The following PRKAG2 variants were observed in gnomAD, a reference collection of about 807,000 sequenced individuals.
PRKAG2 encodes the protein 5'-AMP-activated protein kinase subunit gamma-2.
A neutral mutation model predicts 69.6 loss-of-function variants in PRKAG2; 26 were observed. That is an observed-to-expected ratio of 0.37 (90% CI 0.27 to 0.52). PRKAG2 has a LOEUF of 0.52. PRKAG2 is among the 20% of genes least tolerant of loss of function. The pLI is 0.90. For synonymous variants in PRKAG2, 293 were observed against 285.0 expected (o/e 1.03, Z -0.28); for missense variants, 557 against 740.0 (o/e 0.75, Z 2.87).
At chr7:151,753,898 A>G (rs1419931229) in intron 3 of PRKAG2, among the ~76,000 whole-genome samples, 3 of 152,088 alleles carry the variant, frequency 2.0e-5, no homozygotes, top group Admixed American at 6.5e-5. Context: ...GCCGGGCATG[A>G]TGGTGCACAC....
At chr7:151,558,217 G>T (rs1162800709) in intron 15 of PRKAG2, 1 of 985,442 alleles carries the variant, frequency 1.0e-6, no homozygotes, top group Non-Finnish European at 1.2e-6. Flanking sequence ...TTATTGTGTT[G>T]AACCAGTACC....
intron 6 of PRKAG2, among the ~76,000 whole-genome samples, chr7:151,592,968 C>G (rs545910937): frequency 1.1e-4 from 17 of 152,352 alleles, no homozygotes; most frequent in African/African-American, 3.8e-4. Context: ...CTCAGCTCCT[C>G]TCAACTTAGA....
chr7:151,693,459 C>T (rs2536084), intron 3 of PRKAG2, among the ~76,000 whole-genome samples: 52,821 of 152,120 alleles, frequency 0.35, 9,521 homozygotes, highest in Admixed American at 0.42. Context: ...TCAGCAGCCA[C>T]GCTAGGCCCA....
At chr7:151,744,883 C>T (rs554169182) in intron 3 of PRKAG2, among the ~76,000 whole-genome samples, 12 of 152,266 alleles carry the variant, frequency 7.9e-5, no homozygotes, top group African/African-American at 2.2e-4. Context: ...AGACTTTGCC[C>T]GCAGCAGTTT....
At chr7:151,602,172 C>T (rs1399903859) in intron 5 of PRKAG2, among the ~76,000 whole-genome samples, 4 of 152,206 alleles carry the variant, frequency 2.6e-5, no homozygotes, top group African/African-American at 7.2e-5. Context: ...TGGCGCAAAA[C>T]AAAAGCCAAA....
rs571925781 is a variant in PRKAG2, at chr7:151,775,754, C to G, written c.466+5398G>C. ...CCAGACAGCAAGTTCCTCCCAGGGG[C>G]CTTGTGTAATGAACGAAGTCTTCAT... is the stretch of plus-strand genomic sequence containing the variant. On this transcript the variant is annotated intron_variant, in intron 3 of 15. Coordinates refer to ENST00000287878, the MANE Select transcript of PRKAG2 (RefSeq NM_016203.4). 3.3e-5 allele frequency among the ~76,000 whole-genome samples: 5 copies of G among 152,236 alleles called. No individual in the cohort carries two copies. The South Asian group carries it at 6.2e-4, about 19-fold the overall frequency.
At chr7:151,772,230 G>A (rs972038652) in intron 3 of PRKAG2, among the ~76,000 whole-genome samples, 2 of 152,192 alleles carry the variant, frequency 1.3e-5, no homozygotes, top group African/African-American at 4.8e-5. Flanking sequence ...GGCTGCCTGG[G>A]AGCCAGCGGT....
At chr7:151,704,473 T>C (rs982467156) in intron 3 of PRKAG2, among the ~76,000 whole-genome samples, 1 of 152,212 alleles carries the variant, frequency 6.6e-6, no homozygotes, top group African/African-American at 2.4e-5. Context: ...TCCACATTGC[T>C]GTAGGAGGTT....
chr7:151,798,533 T>C (rs1391771227), intron 1 of PRKAG2, among the ~76,000 whole-genome samples: 1 of 152,248 alleles, frequency 6.6e-6, no homozygotes, highest in African/African-American at 2.4e-5. Flanking sequence ...CAGGCTGGTC[T>C]TGAACTCCTG....
chr7:151,728,677 T>G (rs1429675812), intron 3 of PRKAG2, among the ~76,000 whole-genome samples: 1 of 152,190 alleles, frequency 6.6e-6, no homozygotes, highest in African/African-American at 2.4e-5. Context: ...GAATTGTTTG[T>G]CCAGTGTTCA....
intron 1 of PRKAG2, among the ~76,000 whole-genome samples, chr7:151,825,214 CA>C (rs1214217508): frequency 2.6e-5 from 4 of 151,276 alleles, no homozygotes; most frequent in East Asian, 1.9e-4. Flanking sequence ...ACTCTGTCTC[CA>C]AAAAAAACAG....
At chr7:151,688,598 C>T (rs1342864774) in intron 3 of PRKAG2, among the ~76,000 whole-genome samples, 1 of 152,182 alleles carries the variant, frequency 6.6e-6, no homozygotes, top group African/African-American at 2.4e-5. Flanking sequence ...GCGGCGGGCT[C>T]CCCCACTGTG....
chr7:151,717,342 A>G (rs529991207), intron 3 of PRKAG2, among the ~76,000 whole-genome samples: 254 of 152,226 alleles, frequency 1.7e-3, no homozygotes, highest in Admixed American at 3.0e-3. Context: ...GACGAGAGTT[A>G]CCCAAGAGAC....
chr7:151,630,152 G>A (rs1253728644), intron 5 of PRKAG2, among the ~76,000 whole-genome samples: 1 of 152,082 alleles, frequency 6.6e-6, no homozygotes, highest in Non-Finnish European at 1.5e-5. Flanking sequence ...AAAAATAGAT[G>A]GGTGAAGAGG....
chr7:151,825,435 G>A (rs2078885018), intron 1 of PRKAG2, among the ~76,000 whole-genome samples: 1 of 152,148 alleles, frequency 6.6e-6, no homozygotes, highest in African/African-American at 2.4e-5. Context: ...GAGGATGGGA[G>A]TCTTTTTGTA....
chr7:151,675,506 T>C lies in PRKAG2; in HGVS notation c.598A>G (p.Thr200Ala), dbSNP rs1832773904. Residue 200 changes from threonine to alanine, a missense_variant, in exon 4 of 16, where the codon ACA (threonine) becomes GCA (alanine). By Grantham distance (58) the Thr-to-Ala change is moderately conservative. Coordinates refer to ENST00000287878, the MANE Select transcript of PRKAG2 (RefSeq NM_016203.4). ...RIYASSSPPD[T>A]GQRFCPSSFQ... ...GAAGACGGGCAGAACCTCTGCCCTG[T>C]GTCCGGGGGGGAAGACGAGGCATAG... is the stretch of plus-strand genomic sequence containing the variant. The C allele has an allele frequency of 6.2e-7, 1 of 1,614,174 alleles. No homozygotes were observed. Among genetic ancestry groups the C allele is most frequent in the Middle Eastern group, 1.6e-4 (1 of 6,062 alleles).
chr7:151,810,179 G>A (rs1417089903), intron 1 of PRKAG2: 1 of 152,174 alleles, frequency 6.6e-6, no homozygotes, highest in African/African-American at 2.4e-5. Flanking sequence ...GCCTTAGAGA[G>A]CACCCCCAAA....
chr7:151,873,118 G>A (rs987213161), intron 1 of PRKAG2, among the ~76,000 whole-genome samples: 1 of 152,210 alleles, frequency 6.6e-6, no homozygotes. Flanking sequence ...CCTATGTCCA[G>A]GTCCTTCCTG....
intron 1 of PRKAG2, among the ~76,000 whole-genome samples, chr7:151,803,157 C>T (rs1311165607): frequency 6.6e-6 from 1 of 151,848 alleles, no homozygotes; most frequent in African/African-American, 2.4e-5. Context: ...GGGGTTTCAC[C>T]ATGTTGGCCA....
Sources: allele counts gnomAD v4.1 joint callset (sites outside exome capture counted in the v4.1 genomes callset), GRCh38; gene constraint gnomAD v4.1.1; transcripts MANE v1.5; gene names NCBI Gene and HGNC (gene_info 2026-07-23, HGNC 2026-07-21).